C1orf21: variants seen among roughly 807,000 people sequenced by gnomAD.
C1orf21 encodes the protein uncharacterized protein C1orf21.
A neutral mutation model predicts 18.7 loss-of-function variants in C1orf21; 3 were observed. That is an observed-to-expected ratio of 0.16 (90% confidence interval 0.07 to 0.42). The LOEUF (loss-of-function observed/expected upper bound fraction) is 0.42. C1orf21 is among the 10% of genes least tolerant of loss of function. C1orf21 has a pLI of 0.99. For synonymous variants in C1orf21, 41 were observed against 46.4 expected, an observed-to-expected ratio of 0.88 and a Z score of 0.47; for missense variants, 104 against 143.6, an observed-to-expected ratio of 0.72 and a Z score of 1.41.
At chr1:184,578,350 A>G (rs924344805) in intron 3 of C1orf21, among the ~76,000 whole-genome samples, 2 of 152,230 alleles carry the variant, frequency 1.3e-5, no homozygotes, top group Non-Finnish European at 2.9e-5. Context: ...TTTGGATCAC[A>G]GTAAATGTGA....
chr1:184,432,730 T>C (rs991191320), intron 1 of C1orf21, among the ~76,000 whole-genome samples: 1 of 152,082 alleles, frequency 6.6e-6, no homozygotes, highest in African/African-American at 2.4e-5. Context: ...TACAGCCCCA[T>C]GTCCTTGCAA....
intron 1 of C1orf21, among the ~76,000 whole-genome samples, chr1:184,471,624 T>C (rs1657498128): frequency 6.6e-6 from 1 of 152,110 alleles, no homozygotes; most frequent in Non-Finnish European, 1.5e-5. Flanking sequence ...CAACACTCTT[T>C]CCACTTGCCA....
chr1:184,620,796 G>A lies in C1orf21; in HGVS notation c.*1240G>A, dbSNP rs1373319818. 1 of 152,620 alleles carries A rather than the reference G, an allele frequency of 6.6e-6. No homozygotes were observed. The highest frequency in any genetic ancestry group is 6.5e-5 in the Admixed American group (1 of 15,278). The allele number at this position is 152,620 out of a possible 1,614,324, so 9.5% of individuals were successfully genotyped here. ...TTTTTCCATACTATATGAAGAGAAT[G>A]ATCTCTTCTCAAAGACAGAAGTGAT... On this transcript the variant is annotated 3_prime_UTR_variant, in exon 6 of 6. Coordinates refer to ENST00000235307, the MANE Select transcript of C1orf21 (RefSeq NM_030806.4).
intron 5 of C1orf21, among the ~76,000 whole-genome samples, chr1:184,612,441 T>C (rs569259002): frequency 6.6e-6 from 1 of 152,346 alleles, no homozygotes; most frequent in South Asian, 2.1e-4. Context: ...GATGCCTGGC[T>C]GAGGCCGGGT....
At chr1:184,512,675 C>G (rs1658168020) in intron 3 of C1orf21, among the ~76,000 whole-genome samples, 2 of 152,136 alleles carry the variant, frequency 1.3e-5, no homozygotes, top group Admixed American at 1.3e-4. Flanking sequence ...GGCCTAGCTT[C>G]ACCATTTCTA....
intron 3 of C1orf21, among the ~76,000 whole-genome samples, chr1:184,582,600 C>G (rs1302718798): frequency 6.6e-6 from 1 of 152,152 alleles, no homozygotes; most frequent in Admixed American, 6.5e-5. Flanking sequence ...ATTGCTGAAC[C>G]CAGAAAAAGA....
intron 1 of C1orf21, among the ~76,000 whole-genome samples, chr1:184,449,474 A>G (rs1969686): frequency 0.26 from 38,889 of 151,954 alleles, 5,271 homozygotes; most frequent in African/African-American, 0.34. Context: ...GTTGGTTCCA[A>G]GTCTTTGCTA....
At chr1:184,475,494 A>G (rs1657555532) in intron 1 of C1orf21, among the ~76,000 whole-genome samples, 2 of 152,142 alleles carry the variant, frequency 1.3e-5, no homozygotes, top group Admixed American at 1.3e-4. Flanking sequence ...TTGATACCCT[A>G]CAAAAATACT....
intron 3 of C1orf21, among the ~76,000 whole-genome samples, chr1:184,538,035 C>A (rs1658586798): frequency 6.6e-6 from 1 of 152,130 alleles, no homozygotes; most frequent in African/African-American, 2.4e-5. Context: ...TGAGGAGCTG[C>A]CAGAACTGTT....
intron 3 of C1orf21, among the ~76,000 whole-genome samples, chr1:184,576,578 A>G (rs964335577): frequency 2.0e-5 from 3 of 151,954 alleles, no homozygotes; most frequent in Middle Eastern, 3.2e-3. Context: ...TCCTCCCTCT[A>G]TTGTCCAGGG....
chr1:184,397,419 T>C (rs1011345920), intron 1 of C1orf21, among the ~76,000 whole-genome samples: 1 of 152,114 alleles, frequency 6.6e-6, no homozygotes, highest in Admixed American at 6.5e-5. Flanking sequence ...ACCCCGTCTC[T>C]ACTAAAAACA....
At chr1:184,468,116 T>G (rs894349394) in intron 1 of C1orf21, among the ~76,000 whole-genome samples, 1 of 152,194 alleles carries the variant, frequency 6.6e-6, no homozygotes, top group Non-Finnish European at 1.5e-5. Context: ...ATGTTTACTT[T>G]TTTTGTTTTC....
chr1:184,559,399 C>G (rs1658921153), intron 3 of C1orf21, among the ~76,000 whole-genome samples: 1 of 151,942 alleles, frequency 6.6e-6, no homozygotes, highest in African/African-American at 2.4e-5. Flanking sequence ...CCTGTAAAGC[C>G]TGCAAAACCA....
At chr1:184,462,667 A>G (rs1657325503) in intron 1 of C1orf21, among the ~76,000 whole-genome samples, 1 of 152,236 alleles carries the variant, frequency 6.6e-6, no homozygotes, top group Admixed American at 6.5e-5. Flanking sequence ...ACAGGGAAAT[A>G]TAAAATAAAT....
At chr1:184,488,468 GC>G (rs1465289483) in intron 2 of C1orf21, among the ~76,000 whole-genome samples, 5 of 152,174 alleles carry the variant, frequency 3.3e-5, no homozygotes, top group African/African-American at 1.2e-4. Flanking sequence ...CACAGATGAT[GC>G]CCCAGTGATT....
At chr1:184,390,800 C>G (rs1276957123) in intron 1 of C1orf21, among the ~76,000 whole-genome samples, 1 of 151,980 alleles carries the variant, frequency 6.6e-6, no homozygotes, top group Middle Eastern at 3.2e-3. Context: ...TTCTTTGAGC[C>G]TCAATTTTAA....
At chr1:184,474,584 T>G (rs1276888848) in intron 1 of C1orf21, among the ~76,000 whole-genome samples, 1 of 152,216 alleles carries the variant, frequency 6.6e-6, no homozygotes, top group East Asian at 1.9e-4. Context: ...ATGGCTTCAA[T>G]TCTTCCCTTT....
rs186272500 is a variant in C1orf21, at chr1:184,387,705, C to A, written c.-125+337C>A. 3.3e-5 allele frequency among the ~76,000 whole-genome samples: 5 copies of A among 152,168 alleles called. No individual in the cohort carries two copies. Among genetic ancestry groups the A allele is most frequent in the African/African-American group, 1.2e-4 (5 of 41,448 alleles). On this transcript the variant is annotated intron_variant, in intron 1 of 5. Transcript: ENST00000235307. This position sits in a 1 kb window ranked among gnomAD's most constrained non-coding sequence, Gnocchi z 5.6. ...GCCTGGGTGGCTGGTGTTAGACACC[C>A]CTCCCTTCCCACCCGCACCCTGCCG...
chr1:184,538,078 C>T (rs1400436994), intron 3 of C1orf21, among the ~76,000 whole-genome samples: 3 of 152,006 alleles, frequency 2.0e-5, no homozygotes, highest in African/African-American at 7.3e-5. Context: ...CGCATTCCCA[C>T]CAACAGTGTA....
Sources: allele counts gnomAD v4.1 joint callset (sites outside exome capture counted in the v4.1 genomes callset), GRCh38; gene constraint gnomAD v4.1.1; non-coding constraint Gnocchi (gnomAD v3.1); transcripts MANE v1.5; gene names NCBI Gene and HGNC (gene_info 2026-07-23, HGNC 2026-07-21).